ASAP2: variants seen among roughly 807,000 people sequenced by gnomAD.
The protein encoded by ASAP2 is arf-GAP with SH3 domain, ANK repeat and PH domain-containing protein 2.
ASAP2 carries 45 observed loss-of-function variants against 131.4 expected under a neutral mutation model. The ratio of observed to expected loss-of-function variants is 0.34; its 90% CI spans 0.27 to 0.44. The LOEUF (loss-of-function observed/expected upper bound fraction) is 0.44, where lower values mean the gene tolerates loss of function less well. ASAP2 is among the 20% of genes least tolerant of loss of function. ASAP2 has a pLI of 1.00. For synonymous variants in ASAP2, 510 were observed against 503.0 expected (o/e 1.01, Z -0.19); for missense variants, 1,011 against 1,297.0 (o/e 0.78, Z 3.39).
intron 9 of ASAP2, among the ~76,000 whole-genome samples, chr2:9,342,362 C>T (rs558418578): frequency 6.6e-6 from 1 of 152,166 alleles, no homozygotes; most frequent in South Asian, 2.1e-4. Flanking sequence ...TAAATCCTTA[C>T]ATTTAGAGAT....
chr2:9,317,946 A>G (rs1369411594), intron 3 of ASAP2, among the ~76,000 whole-genome samples: 1 of 152,062 alleles, frequency 6.6e-6, no homozygotes, highest in African/African-American at 2.4e-5. Context: ...CACACCCACA[A>G]CACCCTCACT....
chr2:9,338,347 A>C (rs74641209), intron 9 of ASAP2, among the ~76,000 whole-genome samples: 48 of 147,112 alleles, frequency 3.3e-4, no homozygotes, highest in South Asian at 1.5e-3. Flanking sequence ...GTCTGTCTCT[A>C]TCTCTCTCTC....
In ASAP2 at chr2:9,299,743, C is replaced by G. The variant is rs146347553; in HGVS notation, c.345+2298C>G. Among the ~76,000 whole-genome samples, 7 of 152,298 alleles carry G rather than the reference C, an allele frequency of 4.6e-5. No individual in the cohort carries two copies. The East Asian group carries it at 1.4e-3, about 29-fold the overall frequency. ...AGACTGCCCTTTTACCTTTATTCAGCTGATATCTAGACCTGGATTGTCTCA... is the reference window on the plus strand; with the variant it reads ...AGACTGCCCTTTTACCTTTATTCAGGTGATATCTAGACCTGGATTGTCTCA... On this transcript the variant is annotated intron_variant, in intron 3 of 27. Transcript: ENST00000281419.
chr2:9,358,560 A>G (rs972583402), intron 14 of ASAP2, among the ~76,000 whole-genome samples, 196 bp from the exon 15 acceptor site: 5 of 152,096 alleles, frequency 3.3e-5, no homozygotes. Flanking sequence ...AGGGAAGAAG[A>G]GGGAGAGTAG....
chr2:9,305,760 G>GTA (rs1417657870), intron 3 of ASAP2, among the ~76,000 whole-genome samples: 3 of 151,726 alleles, frequency 2.0e-5, no homozygotes, highest in Non-Finnish European at 4.4e-5. Flanking sequence ...AGATATTGGT[G>GTA]GAGGGGCTGT....
rs1468159788 is a variant in ASAP2 at position 9,341,560 on chromosome 2, C to T, written c.850-2972C>T. ...ATATGCGCGGCACGAACAGTGTTAG[C>T]GGTGTTGTCACATGATTTCACCACT... On this transcript the variant is annotated intron_variant, in intron 9 of 27. Transcript: ENST00000281419. 4.6e-5 allele frequency among the ~76,000 whole-genome samples: 7 copies of T among 152,264 alleles called. No individual in the cohort carries two copies. In the East Asian group the frequency reaches 1.4e-3, roughly 29 times the overall value.
intron 3 of ASAP2, among the ~76,000 whole-genome samples, chr2:9,301,332 A>G (rs974646516): frequency 3.9e-5 from 6 of 152,204 alleles, no homozygotes; most frequent in African/African-American, 1.4e-4. Flanking sequence ...AATGGGTGAG[A>G]TTCTCACCTG....
intron 3 of ASAP2, among the ~76,000 whole-genome samples, chr2:9,297,986 T>C (rs1668253535): frequency 6.6e-6 from 1 of 151,782 alleles, no homozygotes; most frequent in East Asian, 1.9e-4. Context: ...TGCCTGTGGC[T>C]GCTGCTTGGT....
intron 16 of ASAP2, among the ~76,000 whole-genome samples, chr2:9,373,639 C>G (rs1232926214): frequency 1.3e-5 from 2 of 152,242 alleles, no homozygotes; most frequent in Non-Finnish European, 2.9e-5. Context: ...GCCATGGCCC[C>G]TTGCCATAGT....
At chr2:9,399,897 T>C in intron 24 of ASAP2, 126 bp from the exon 25 acceptor site, 1 of 892,574 alleles carries the variant, frequency 1.1e-6, no homozygotes. Flanking sequence ...GACAGCTAAG[T>C]GACAGTGGAG....
At position 9,404,637 on chromosome 2, in the gene ASAP2, T is replaced by C. The variant is rs889986062; in HGVS notation, c.*1310T>C. On this transcript the variant is annotated 3_prime_UTR_variant, in exon 28 of 28. Coordinates refer to ENST00000281419, the MANE Select transcript of ASAP2 (RefSeq NM_003887.3). ...ACAAAAGTAAAGGAATAAATTTGCA[T>C]ATAGGCTTGGAAAGTGAGGCAGCAA... 2 of 152,552 alleles carry C rather than the reference T, an allele frequency of 1.3e-5. No homozygotes were observed. Among genetic ancestry groups the C allele is most frequent in the Non-Finnish European group, 2.9e-5 (2 of 68,036 alleles). 9.4% of individuals were successfully genotyped at this position (152,552 alleles called of 1,614,324 possible).
chr2:9,277,142 G>A (rs1030582818), intron 1 of ASAP2, among the ~76,000 whole-genome samples: 9 of 152,206 alleles, frequency 5.9e-5, no homozygotes, highest in African/African-American at 2.2e-4. Context: ...CTCCTGGGAT[G>A]GGGAACTTAG....
At chr2:9,256,400 C>T (rs901739053) in intron 1 of ASAP2, among the ~76,000 whole-genome samples, 41 of 107,390 alleles carry the variant, frequency 3.8e-4, no homozygotes, top group African/African-American at 1.7e-3. Flanking sequence ...AAGAAATTAG[C>T]GTTTAACATG....
intron 12 of ASAP2, 84 bp downstream of exon 12, chr2:9,350,979 A>G (rs1311654752): frequency 9.7e-7 from 1 of 1,028,398 alleles, no homozygotes; most frequent in Non-Finnish European, 1.4e-6. Context: ...CAAACACTGC[A>G]TTCGGAAGAA....
At chr2:9,353,585 G>A (rs975093514) in intron 12 of ASAP2, among the ~76,000 whole-genome samples, 1 of 151,758 alleles carries the variant, frequency 6.6e-6, no homozygotes, top group Non-Finnish European at 1.5e-5. Flanking sequence ...GGCAGTTGGG[G>A]AAGTCAAGTG....
chr2:9,356,915 A>T (rs139371661), intron 14 of ASAP2, among the ~76,000 whole-genome samples: 4 of 152,280 alleles, frequency 2.6e-5, no homozygotes, highest in African/African-American at 9.6e-5. Flanking sequence ...TTATAGTAGG[A>T]TGTGATTTAA....
chr2:9,249,337 C>T (rs2709570), intron 1 of ASAP2, among the ~76,000 whole-genome samples: 77,661 of 152,078 alleles, frequency 0.51, 21,226 homozygotes, highest in African/African-American at 0.71. Context: ...TCTGCCCTCA[C>T]GTCTCTAGAG....
At chr2:9,299,161 A>G (rs575842671) in intron 3 of ASAP2, among the ~76,000 whole-genome samples, 1 of 152,306 alleles carries the variant, frequency 6.6e-6, no homozygotes, top group South Asian at 2.1e-4. Flanking sequence ...CTAAAAATGG[A>G]ACGGAAGAGT....
intron 4 of ASAP2, among the ~76,000 whole-genome samples, 172 bp downstream of exon 4, chr2:9,318,770 A>C (rs918500737): frequency 6.6e-6 from 1 of 152,220 alleles, no homozygotes; most frequent in Non-Finnish European, 1.5e-5. Context: ...TCAGCCAAAA[A>C]GGTGGTGACT....
Sources: allele counts gnomAD v4.1 joint callset (sites outside exome capture counted in the v4.1 genomes callset), GRCh38; gene constraint gnomAD v4.1.1; transcripts MANE v1.5; gene names NCBI Gene and HGNC (gene_info 2026-07-23, HGNC 2026-07-21).